Variants in CALCOCO1 observed in about 807,000 individuals in gnomAD.
CALCOCO1 encodes calcium-binding and coiled-coil domain-containing protein 1.
CALCOCO1 carries 44 observed loss-of-function variants against 86.3 expected under a neutral mutation model. The ratio of observed to expected loss-of-function variants is 0.51; its 90% CI spans 0.40 to 0.66. CALCOCO1 has a LOEUF of 0.66. Among genes scored for constraint, CALCOCO1 ranks in the 30% least tolerant of loss-of-function variants. CALCOCO1 has a pLI of 0.00. For missense variants in CALCOCO1, 708 were observed against 851.1 expected (o/e 0.83, Z 2.09); for synonymous variants, 297 against 327.6 (o/e 0.91, Z 1.01).
chr12:53,712,033 A>C lies in CALCOCO1; in HGVS notation c.1987T>G (p.Phe663Val). 6.2e-7 allele frequency: 1 copy of C among 1,611,920 alleles called. No individual in the cohort carries two copies. The highest frequency in any genetic ancestry group is 1.7e-5 in the Admixed American group (1 of 59,552). ...WKECPICKER[F>V]PAESDKDALE... ...GCATCCTTGTCACTCTCAGCAGGAAAGCGCTCCTTACAGATAGGACACTCC... is the reference window on the plus strand; with the variant it reads ...GCATCCTTGTCACTCTCAGCAGGAACGCGCTCCTTACAGATAGGACACTCC... Residue 663 changes from phenylalanine to valine, a missense_variant, in exon 15 of 15, where the codon TTT becomes GTT. Physicochemically the swap from Phe to Val is conservative, Grantham distance 50. Transcript: ENST00000550804.
chr12:53,716,063 G>A lies in CALCOCO1; in HGVS notation c.1006-16C>T. The A allele has an allele frequency of 6.2e-7, 1 of 1,609,940 alleles. No homozygotes were observed. On this transcript the variant is annotated splice_polypyrimidine_tract_variant and intron_variant, in intron 8 of 14. Coordinates refer to ENST00000550804, the MANE Select transcript of CALCOCO1 (RefSeq NM_020898.3). ...CCAGCTCGGCCTCAGGAGAAAGGAG[G>A]AGATGGAGATCAGAGTTCCTAGTGA... is the stretch of plus-strand genomic sequence containing the variant.
rs1945939380 is a variant in CALCOCO1 at position 53,723,661 on chromosome 12, C to T, written c.382G>A (p.Val128Met). The stretch of plus-strand genomic sequence containing the variant: ...CCCCCATCAGCCTCCTCCAGGGTCA[C>T]CAGTTCATCCATGGGCCTTGGCTCT... Reference protein sequence around the residue: ...FREPRPMDELVTLEEADGGSD... With the variant: ...FREPRPMDELMTLEEADGGSD... The change falls in exon 4 of 15, where the codon GTG becomes ATG. Residue 128 changes from valine (V) to methionine (M), a missense_variant. Transcript: ENST00000550804. The T allele has an allele frequency of 1.9e-6, 3 of 1,614,110 alleles. No homozygotes were observed. In the Admixed American group the frequency reaches 5.0e-5, roughly 27 times the overall value.
At chr12:53,723,335 T>C (rs535324197) in intron 4 of CALCOCO1, among the ~76,000 whole-genome samples, 1 of 152,302 alleles carries the variant, frequency 6.6e-6, no homozygotes, top group African/African-American at 2.4e-5. Flanking sequence ...CAGGATGCAG[T>C]GCATGGAGAA....
In CALCOCO1 at chr12:53,723,636, C is replaced by T; in HGVS notation, c.407G>A (p.Gly136Asp). The change falls in exon 4 of 15, where the codon GGC (glycine) becomes GAC (aspartate). Residue 136 changes from glycine (G) to aspartate (D), a missense_variant. Transcript: ENST00000550804. ...GGGGACAACCAGCAGGATGTCAGAG[C>T]CCCCATCAGCCTCCTCCAGGGTCAC... is the stretch of plus-strand genomic sequence containing the variant. Reference protein sequence around the residue: ...ELVTLEEADGGSDILLVVPKA... With the variant: ...ELVTLEEADGDSDILLVVPKA... 1 of 1,614,196 alleles carries T rather than the reference C, an allele frequency of 6.2e-7. No homozygotes were observed. Among genetic ancestry groups the T allele is most frequent in the Non-Finnish European group, 8.5e-7 (1 of 1,180,038 alleles).
intron 9 of CALCOCO1, 82 bp downstream of exon 9, chr12:53,715,709 CCA>C (rs1445034654): frequency 6.5e-7 from 1 of 1,545,704 alleles, no homozygotes; most frequent in Non-Finnish European, 8.8e-7. Flanking sequence ...TTCTCTCCTC[CCA>C]GAGGGTCTGA....
intron 14 of CALCOCO1, 179 bp downstream of exon 14, chr12:53,712,921 A>G: frequency 1.5e-6 from 2 of 1,359,960 alleles, no homozygotes; most frequent in East Asian, 2.4e-5. Flanking sequence ...GATTACCTGA[A>G]GGCATCTGGG....
intron 3 of CALCOCO1, 48 bp downstream of exon 3, chr12:53,724,597 C>G (rs367668377): frequency 2.8e-5 from 40 of 1,420,914 alleles, no homozygotes; most frequent in Non-Finnish European, 3.6e-5. Context: ...TCTTTCAAAC[C>G]TCCACTCCCT....
In CALCOCO1 at chr12:53,725,158, TG is replaced by T; in HGVS notation, c.84del (p.Lys29ArgfsTer75). On this transcript the variant is annotated frameshift_variant, in exon 2 of 15. Transcript: ENST00000550804. LOFTEE classifies it high-confidence loss of function. ...GGAAGGGTGTAGTGACATTCCACCTTGGTGTTGGGGATGTAGGTCCGGGCTA... is the reference window on the plus strand; with the variant it reads ...GGAAGGGTGTAGTGACATTCCACCTTGTGTTGGGGATGTAGGTCCGGGCTA... The part of the protein sequence containing the change: ...LNVARTYIPN[T>X]KVECHYTLPP... 3 of 1,613,448 alleles carry T rather than the reference TG, an allele frequency of 1.9e-6. No individual in the cohort carries two copies. The highest frequency in any genetic ancestry group is 2.5e-6 in the Non-Finnish European group (3 of 1,179,664).
rs137974321 is a variant in CALCOCO1 at position 53,715,075 on chromosome 12, G to A, written c.1386+125C>T. On this transcript the variant is annotated intron_variant, in intron 10 of 14. Transcript: ENST00000550804. ...AACCAATGAGGGCTTGCGTGTGCAAGTGAAATGCCACCCAACATGGTAGTG... is the reference window on the plus strand; with the variant it reads ...AACCAATGAGGGCTTGCGTGTGCAAATGAAATGCCACCCAACATGGTAGTG... 130 of 1,221,422 alleles carry A rather than the reference G, an allele frequency of 1.1e-4. No individual in the cohort carries two copies. In the African/African-American group the frequency reaches 1.9e-3, roughly 18 times the overall value. The allele number at this position is 1,221,422 out of a possible 1,614,324, so 75.7% of individuals were successfully genotyped here.
chr12:53,712,753 C>G, intron 14 of CALCOCO1: 1 of 1,275,316 alleles, frequency 7.8e-7, no homozygotes, highest in African/African-American at 1.5e-5. Flanking sequence ...CCCTTCCTCC[C>G]CGGAGGACCC....
intron 10 of CALCOCO1, 152 bp from the exon 11 acceptor site, chr12:53,714,845 T>C: frequency 1.6e-6 from 1 of 624,872 alleles, no homozygotes; most frequent in South Asian, 1.9e-5. Context: ...TCCCAACACT[T>C]CCTCCATGAG....
intron 7 of CALCOCO1, 46 bp from the exon 8 acceptor site, chr12:53,716,461 G>A (rs1945730944): frequency 6.2e-7 from 1 of 1,607,994 alleles, no homozygotes. Flanking sequence ...TGTGTGTTGG[G>A]GTGGCTCGGG....
In CALCOCO1 at chr12:53,711,176, T is replaced by C. The variant is rs192924214; in HGVS notation, c.*768A>G. On this transcript the variant is annotated 3_prime_UTR_variant, in exon 15 of 15. Transcript: ENST00000550804. ...AAAGGGATGGATATCAGGGGGAAGC[T>C]TTTATTGCTGTGGGGGGACCTGGAG... 3 of 398,628 alleles carry C rather than the reference T, an allele frequency of 7.5e-6. No individual in the cohort carries two copies. In the East Asian group the frequency reaches 1.1e-4, roughly 14 times the overall value. 24.7% of individuals were successfully genotyped at this position (398,628 alleles called of 1,614,324 possible). A position where few individuals can be genotyped will look rare whatever the true frequency, so the allele number is the denominator to read the frequency against.
chr12:53,719,694 A>G (rs775301636), intron 7 of CALCOCO1, 45 bp downstream of exon 7: 8 of 1,392,250 alleles, frequency 5.7e-6, no homozygotes, highest in Non-Finnish European at 8.1e-6. Flanking sequence ...GGAATCAAAC[A>G]CTGGCTGGAC....
chr12:53,715,285 A>G lies in CALCOCO1; in HGVS notation c.1301T>C (p.Leu434Pro). The change falls in exon 10 of 15, where the codon CTT (leucine) becomes CCT (proline). Residue 434 changes from leucine to proline, a missense_variant. Transcript: ENST00000550804. ...DKILKLSAEI[L>P]RLEKAVQEER... ...CTCCTGAACTGCCTTCTCCAATCGAAGTATCTCTGCACTCAGCTTCAGGAT... is the reference window on the plus strand; with the variant it reads ...CTCCTGAACTGCCTTCTCCAATCGAGGTATCTCTGCACTCAGCTTCAGGAT... The G allele has an allele frequency of 6.2e-7, 1 of 1,614,116 alleles. No homozygotes were observed. Among genetic ancestry groups the G allele is most frequent in the Non-Finnish European group, 8.5e-7 (1 of 1,180,032 alleles).
At position 53,716,374 on chromosome 12, in the gene CALCOCO1, A is replaced by G. The variant is rs912870925; in HGVS notation, c.891T>C (p.Asn297=). 2 of 1,613,934 alleles carry G rather than the reference A, an allele frequency of 1.2e-6. No homozygotes were observed. Among genetic ancestry groups the G allele is most frequent in the Non-Finnish European group, 1.7e-6 (2 of 1,180,008 alleles). Residue 297 remains asparagine, a synonymous_variant, in exon 8 of 15, where the codon AAT becomes AAC. Coordinates refer to ENST00000550804, the MANE Select transcript of CALCOCO1 (RefSeq NM_020898.3). The part of the protein sequence containing the change: ...QVAQQENHHL[N]LDLKEAKSWQ... Reference sequence around the variant, plus strand: ...AGCTCTTCGCCTCCTTCAGGTCCAAATTTAAGTGATGGTTCTCCTGTTGTG... The same window carrying G: ...AGCTCTTCGCCTCCTTCAGGTCCAAGTTTAAGTGATGGTTCTCCTGTTGTG...
rs1459002553 is a variant in CALCOCO1, at chr12:53,713,684, G to C, written c.1791+17C>G. ...GCCCCTCCTTACTGCTTCTGCACAG[G>C]CTCCTCCACTGCTCACCGAGTCAGA... On this transcript the variant is annotated intron_variant, in intron 13 of 14. Transcript: ENST00000550804. The C allele has an allele frequency of 1.9e-5, 29 of 1,509,030 alleles. No individual in the cohort carries two copies. The highest frequency in any genetic ancestry group is 2.4e-5 in the Non-Finnish European group (27 of 1,130,506). The allele number at this position is 1,509,030 out of a possible 1,614,324, so 93.5% of individuals were successfully genotyped here.
chr12:53,713,274 A>T, intron 13 of CALCOCO1, 68 bp from the exon 14 acceptor site: 3 of 1,325,862 alleles, frequency 2.3e-6, no homozygotes, highest in Non-Finnish European at 3.2e-6. Context: ...GCACATTGGG[A>T]CAGGTATGGG....
intron 7 of CALCOCO1, among the ~76,000 whole-genome samples, chr12:53,718,277 T>C (rs1593085335): frequency 1.3e-5 from 2 of 152,184 alleles, no homozygotes; most frequent in South Asian, 2.1e-4. Flanking sequence ...CGGAAATACA[T>C]TAGTTGCTGA....
Sources: allele counts gnomAD v4.1 joint callset (sites outside exome capture counted in the v4.1 genomes callset), GRCh38; gene constraint gnomAD v4.1.1; transcripts MANE v1.5; gene names NCBI Gene and HGNC (gene_info 2026-07-23, HGNC 2026-07-21).